The following DHX57 variants were observed in gnomAD, a reference collection of about 807,000 sequenced individuals.
DHX57 encodes the protein putative ATP-dependent RNA helicase DHX57.
DHX57 carries 105 observed loss-of-function variants against 156.2 expected under a neutral mutation model. The observed-to-expected ratio is 0.67, with a 90% CI of 0.57 to 0.79. The LOEUF (loss-of-function observed/expected upper bound fraction) is 0.79. DHX57 is among the 30% of genes least tolerant of loss of function. The pLI, the probability that DHX57 is intolerant of heterozygous loss-of-function variation, is 0.00. For synonymous variants in DHX57, 704 were observed against 595.6 expected (o/e 1.18, Z -2.65); for missense variants, 1,847 against 1,661.9 (o/e 1.11, Z -1.94).
At chr2:38,847,498 T>C (rs918281356) in intron 10 of DHX57, among the ~76,000 whole-genome samples, 1 of 152,196 alleles carries the variant, frequency 6.6e-6, no homozygotes, top group African/African-American at 2.4e-5. Flanking sequence ...CCAAAGTGTC[T>C]TTTTAGTATT....
Position 38,798,397 on chromosome 2 carries a change from G to A in DHX57, c.4063C>T (p.Leu1355Phe). 1 of 1,614,034 alleles carries A rather than the reference G, an allele frequency of 6.2e-7. No homozygotes were observed. The highest frequency in any genetic ancestry group is 8.5e-7 in the Non-Finnish European group (1 of 1,179,980). Residue 1355 changes from leucine (L) to phenylalanine (F), a missense_variant, in exon 24 of 24, where the codon CTC (leucine) becomes TTC (phenylalanine). Physicochemically the swap from Leu to Phe is conservative, Grantham distance 22. Coordinates refer to ENST00000457308, the MANE Select transcript of DHX57 (RefSeq NM_198963.3). ...KELRCELDQL[L>F]QDKIKNPSID... ...CTTGGGTTTTTAATTTTATCCTGGA[G>A]AAGCTGATCAAGTTCGCAACGAAGC... is the stretch of plus-strand genomic sequence containing the variant.
At chr2:38,803,660 G>T (rs1350554206) in intron 22 of DHX57, among the ~76,000 whole-genome samples, 1 of 151,242 alleles carries the variant, frequency 6.6e-6, no homozygotes, top group Non-Finnish European at 1.5e-5. Context: ...GCTGATTTTT[G>T]TATTTTTAGT....
intron 9 of DHX57, chr2:38,853,108 T>C (rs1672693518): frequency 6.5e-6 from 1 of 153,840 alleles, no homozygotes; most frequent in East Asian, 1.9e-4. Flanking sequence ...CAGGGTGGAG[T>C]GCAGTGGTGC....
At chr2:38,856,209 T>C in intron 7 of DHX57, 131 bp downstream of exon 7, 1 of 1,289,456 alleles carries the variant, frequency 7.8e-7, no homozygotes, top group Non-Finnish European at 1.0e-6. Context: ...TTTTGCCTTA[T>C]GTCTCAAGGC....
rs375267944 is a variant in DHX57 at position 38,854,125 on chromosome 2, T to C, written c.1959A>G (p.Leu653=). The C allele has an allele frequency of 3.0e-5, 49 of 1,614,072 alleles. No individual in the cohort carries two copies. The highest frequency in any genetic ancestry group is 3.8e-5 in the Non-Finnish European group (45 of 1,179,924). The change falls in exon 9 of 24, where the codon CTA becomes CTG. Residue 653 remains leucine, a synonymous_variant. Transcript: ENST00000457308. Reference sequence around the variant, plus strand: ...CTCCTTGTAGAGCTGTATCTCCTTCTAGCCTTCTCAGCAGCACTCCCGTGG... The same window carrying C: ...CTCCTTGTAGAGCTGTATCTCCTTCCAGCCTTCTCAGCAGCACTCCCGTGG... ...YCTTGVLLRR[L]EGDTALQGVS... is the part of the protein sequence containing the mutation.
At chr2:38,815,389 A>T in intron 20 of DHX57, 132 bp downstream of exon 20, 1 of 1,198,660 alleles carries the variant, frequency 8.3e-7, no homozygotes, top group Non-Finnish European at 1.2e-6. Context: ...TGTGCGAAGC[A>T]GAAAATCAAG....
chr2:38,831,584 G>A (rs1477131303), intron 13 of DHX57, among the ~76,000 whole-genome samples: 1 of 152,106 alleles, frequency 6.6e-6, no homozygotes, highest in Non-Finnish European at 1.5e-5. Context: ...GCTGGGCATG[G>A]TGGCTCACGC....
intron 19 of DHX57, among the ~76,000 whole-genome samples, chr2:38,817,462 G>A (rs904664667): frequency 2.0e-5 from 3 of 151,924 alleles, no homozygotes; most frequent in South Asian, 2.1e-4. Context: ...TTACAGGTAT[G>A]AGCCACCATG....
Position 38,855,119 on chromosome 2 carries a change from T to C in DHX57, c.1843A>G (p.Lys615Glu), listed in dbSNP as rs752339688. ...SAISVAERVA[K>E]ERAERVGLTV... ...AGACCCACCCTCTCTGCTCTTTCTT[T>C]AGCAACGCGTTCAGCAACAGAGATT... The change falls in exon 8 of 24, where the codon AAA becomes GAA. Residue 615 changes from lysine to glutamate, a missense_variant. By Grantham distance (56) the Lys-to-Glu change is moderately conservative. Coordinates refer to ENST00000457308, the MANE Select transcript of DHX57 (RefSeq NM_198963.3). 3 of 1,614,108 alleles carry C rather than the reference T, an allele frequency of 1.9e-6. No individual in the cohort carries two copies. The highest frequency in any genetic ancestry group is 2.5e-6 in the Non-Finnish European group (3 of 1,180,024).
intron 22 of DHX57, 156 bp from the exon 23 acceptor site, chr2:38,803,071 A>G: frequency 1.5e-6 from 1 of 670,022 alleles, no homozygotes. Context: ...CAGTATAACT[A>G]TTGACTTGCC....
intron 9 of DHX57, among the ~76,000 whole-genome samples, chr2:38,852,007 G>C (rs955119963): frequency 6.6e-6 from 1 of 151,808 alleles, no homozygotes; most frequent in African/African-American, 2.4e-5. Flanking sequence ...AATGTTTTCT[G>C]TATAGTAATT....
intron 13 of DHX57, among the ~76,000 whole-genome samples, chr2:38,830,692 G>A (rs1371091324): frequency 6.6e-6 from 1 of 151,756 alleles, no homozygotes; most frequent in Non-Finnish European, 1.5e-5. Flanking sequence ...TTCAGACTCA[G>A]GTCACAGAGT....
Position 38,798,185 on chromosome 2 carries a change from G to C in DHX57, c.*114C>G. ...AGCTGCCTTGGGCTTCATGCCCTGGGCTCCTCCACCAGGGCCAGCCCCAAT... is the reference window on the plus strand; with the variant it reads ...AGCTGCCTTGGGCTTCATGCCCTGGCCTCCTCCACCAGGGCCAGCCCCAAT... On this transcript the variant is annotated 3_prime_UTR_variant, in exon 24 of 24. Transcript: ENST00000457308. The C allele has an allele frequency of 7.1e-7, 1 of 1,409,718 alleles. No homozygotes were observed. The highest frequency in any genetic ancestry group is 2.3e-5 in the East Asian group (1 of 43,072). 87.3% of individuals were successfully genotyped at this position (1,409,718 alleles called of 1,614,324 possible).
intron 19 of DHX57, among the ~76,000 whole-genome samples, chr2:38,817,867 T>C (rs934256665): frequency 1.3e-5 from 2 of 151,884 alleles, no homozygotes; most frequent in African/African-American, 4.8e-5. Flanking sequence ...CTGGCTGATT[T>C]TTGTATTTTT....
At chr2:38,798,648 C>A (rs1054116509) in intron 23 of DHX57, among the ~76,000 whole-genome samples, 18 of 152,134 alleles carry the variant, frequency 1.2e-4, no homozygotes, top group African/African-American at 4.3e-4. Flanking sequence ...CACATCTCAT[C>A]TAAAGAAAAG....
chr2:38,841,890 C>T (rs892233183), intron 12 of DHX57, among the ~76,000 whole-genome samples: 7 of 152,142 alleles, frequency 4.6e-5, no homozygotes, highest in Admixed American at 4.6e-4. Context: ...AAAAGCTCAG[C>T]ACAGGGTAGG....
intron 1 of DHX57, 71 bp downstream of exon 1, chr2:38,875,716 C>T (rs1437691531): frequency 4.0e-6 from 1 of 248,830 alleles, no homozygotes; most frequent in South Asian, 1.8e-4. Flanking sequence ...GGCAGACACA[C>T]TGACAAACAG....
intron 9 of DHX57, among the ~76,000 whole-genome samples, chr2:38,851,998 A>T (rs1180828920): frequency 6.6e-6 from 1 of 151,924 alleles, no homozygotes; most frequent in East Asian, 1.9e-4. Context: ...GAGATTTCCA[A>T]TGTTTTCTGT....
chr2:38,858,919 A>G, intron 5 of DHX57, 83 bp from the exon 6 acceptor site: 1 of 1,387,352 alleles, frequency 7.2e-7, no homozygotes, highest in Non-Finnish European at 9.6e-7. Context: ...CAGAGTATCA[A>G]CAACAAAAAG....
Sources: allele counts gnomAD v4.1 joint callset (sites outside exome capture counted in the v4.1 genomes callset), GRCh38; gene constraint gnomAD v4.1.1; transcripts MANE v1.5; gene names NCBI Gene and HGNC (gene_info 2026-07-23, HGNC 2026-07-21).